Variants in YY1 observed in about 807,000 individuals in gnomAD.
YY1 encodes the protein transcriptional repressor protein YY1.
A neutral mutation model predicts 35.6 loss-of-function variants in YY1; 2 were observed. The ratio of observed to expected loss-of-function variants is 0.06; its 90% CI spans 0.02 to 0.18. The LOEUF (loss-of-function observed/expected upper bound fraction) is 0.18. Ranked by LOEUF, YY1 falls within the 10% of genes least tolerant of loss-of-function variation. The pLI is 1.00. For missense variants in YY1, 322 were observed against 573.4 expected, an observed-to-expected ratio of 0.56 and a Z score of 4.48; for synonymous variants, 268 against 238.9, an observed-to-expected ratio of 1.12 and a Z score of -1.12.
chr14:100,239,719 A>AGCG lies in YY1; in HGVS notation c.487_489dup (p.Gly163dup), dbSNP rs769057819. ...GGTCACCGTGGCGGCGGCCGGCAAGAGCGGCGGCGGCGGCTCGTCGTCGTC... is the reference window on the plus strand; with the variant it reads ...GGTCACCGTGGCGGCGGCCGGCAAGAGCGGCGGCGGCGGCGGCTCGTCGTCGTC... On this transcript the variant is annotated inframe_insertion, in exon 1 of 5. Transcript: ENST00000262238. 1.2e-5 allele frequency: 19 copies of AGCG among 1,590,868 alleles called. No individual in the cohort carries two copies. The highest frequency in any genetic ancestry group is 2.8e-5 in the African/African-American group (2 of 72,022).
chr14:100,248,997 C>T (rs1049203481), intron 1 of YY1, among the ~76,000 whole-genome samples: 5 of 149,580 alleles, frequency 3.3e-5, no homozygotes, highest in African/African-American at 2.5e-5. Flanking sequence ...AAGTAAAATT[C>T]TTAATAGCCA....
chr14:100,265,308 G>C (rs1182546873), intron 2 of YY1: 1 of 152,092 alleles, frequency 6.6e-6, no homozygotes, highest in Non-Finnish European at 1.5e-5. Context: ...AACCCAGGAG[G>C]GGGAGGTTGC....
intron 2 of YY1, among the ~76,000 whole-genome samples, chr14:100,273,804 C>A (rs559578496): frequency 3.3e-5 from 5 of 152,216 alleles, no homozygotes; most frequent in South Asian, 2.1e-4. Flanking sequence ...ACCCCCCTAC[C>A]ACACACAGAT....
intron 1 of YY1, among the ~76,000 whole-genome samples, chr14:100,243,860 C>T (rs1425627241): frequency 4.6e-5 from 7 of 151,130 alleles, no homozygotes; most frequent in Admixed American, 2.6e-4. Flanking sequence ...AATCCCAGCA[C>T]TTTGGGAGGC....
At position 100,276,319 on chromosome 14, in the gene YY1, TCTG is replaced by T; in HGVS notation, c.904-168_904-166del. On this transcript the variant is annotated intron_variant, in intron 3 of 4. Coordinates refer to ENST00000262238, the MANE Select transcript of YY1 (RefSeq NM_003403.5). The surrounding 1 kb of genome is among the most constrained non-coding windows in gnomAD (Gnocchi z 4.1). ...CATTGAATGATGACTTTTTCAGCTG[TCTG>T]CTTTTTGTCTTAAATGATATTAATG... is the stretch of plus-strand genomic sequence containing the variant. 1.2e-6 allele frequency: 1 copy of T among 866,634 alleles called. No individual in the cohort carries two copies. Among genetic ancestry groups the T allele is most frequent in the Non-Finnish European group, 1.8e-6 (1 of 569,856 alleles). The allele number at this position is 866,634 out of a possible 1,614,324, so 53.7% of individuals were successfully genotyped here. A position where few individuals can be genotyped will look rare whatever the true frequency, so the allele number is the denominator to read the frequency against.
chr14:100,278,635 T>A lies in YY1; in HGVS notation c.*1035T>A, dbSNP rs1242657682. ...ATTATTGATGAAAGCGATGCATGGA[T>A]ATTTTAATACTTCCTACATGTCCTG... On this transcript the variant is annotated 3_prime_UTR_variant, in exon 5 of 5. Coordinates refer to ENST00000262238, the MANE Select transcript of YY1 (RefSeq NM_003403.5). 1 of 152,264 alleles carries A rather than the reference T, an allele frequency of 6.6e-6. No homozygotes were observed. Among genetic ancestry groups the A allele is most frequent in the African/African-American group, 2.4e-5 (1 of 41,470 alleles). The allele number at this position is 152,264 out of a possible 1,614,324, so 9.4% of individuals were successfully genotyped here. A position where few individuals can be genotyped will look rare whatever the true frequency, so the allele number is the denominator to read the frequency against.
intron 1 of YY1, among the ~76,000 whole-genome samples, chr14:100,243,552 G>A (rs1890782126): frequency 6.6e-6 from 1 of 152,174 alleles, no homozygotes; most frequent in Non-Finnish European, 1.5e-5. Flanking sequence ...CAGAACTTTG[G>A]GAGGCCAAGG....
chr14:100,267,120 G>A (rs1387965201), intron 2 of YY1, among the ~76,000 whole-genome samples: 1 of 146,436 alleles, frequency 6.8e-6, no homozygotes, highest in Non-Finnish European at 1.5e-5. Flanking sequence ...AGGGTCTTCT[G>A]AAAAAGAAAA....
At chr14:100,257,179 A>G (rs1246414009) in intron 1 of YY1, among the ~76,000 whole-genome samples, 1 of 152,086 alleles carries the variant, frequency 6.6e-6, no homozygotes, top group African/African-American at 2.4e-5. Context: ...GTCTTTCAAT[A>G]TTAGAATTGC....
rs2139604364 is a variant in YY1 at position 100,276,703 on chromosome 14, G to GTT, written c.1062+56_1062+57insTT. On this transcript the variant is annotated intron_variant, in intron 4 of 4. Coordinates refer to ENST00000262238, the MANE Select transcript of YY1 (RefSeq NM_003403.5). This position sits in a 1 kb window ranked among gnomAD's most constrained non-coding sequence, Gnocchi z 4.1. ...TGCCTTGCCTGTCTGAACACTGCAA[G>GTT]TGTAGGTGGTGTGGTGATGAGGCAG... The GTT allele has an allele frequency of 1.2e-6, 2 of 1,612,488 alleles. No homozygotes were observed. Among genetic ancestry groups the GTT allele is most frequent in the East Asian group, 4.5e-5 (2 of 44,874 alleles).
intron 1 of YY1, among the ~76,000 whole-genome samples, chr14:100,247,564 G>A (rs189060046): frequency 6.6e-6 from 1 of 151,830 alleles, no homozygotes; most frequent in East Asian, 1.9e-4. Context: ...GTAGAGACAG[G>A]GTTATCAGAA....
rs1284027273 is a variant in YY1 at position 100,279,582 on chromosome 14, GGA to G, written c.*1988_*1989del. On this transcript the variant is annotated 3_prime_UTR_variant, in exon 5 of 5. Transcript: ENST00000262238. ...CAGGCTTTGCTGTATCTGGCAGTCAGGAGAGAGGTCAGCCCATGGTGGAGGTC... is the reference window on the plus strand; with the variant it reads ...CAGGCTTTGCTGTATCTGGCAGTCAGGAGAGGTCAGCCCATGGTGGAGGTC... 6.6e-6 allele frequency: 1 copy of G among 152,302 alleles called. No homozygotes were observed. The highest frequency in any genetic ancestry group is 1.5e-5 in the Non-Finnish European group (1 of 68,072). 9.4% of individuals were successfully genotyped at this position (152,302 alleles called of 1,614,324 possible).
rs1266188170 is a variant in YY1, at chr14:100,280,371, A to G, written c.*2771A>G. The G allele has an allele frequency of 6.6e-6, 1 of 151,960 alleles. No individual in the cohort carries two copies. Among genetic ancestry groups the G allele is most frequent in the Non-Finnish European group, 1.5e-5 (1 of 67,974 alleles). 9.4% of individuals were successfully genotyped at this position (151,960 alleles called of 1,614,324 possible). Reference sequence around the variant, plus strand: ...TGTTTCTAGCATATGTAATATAAAAACTCCAGAGGATAAGTTTACACTTAA... The same window carrying G: ...TGTTTCTAGCATATGTAATATAAAAGCTCCAGAGGATAAGTTTACACTTAA... On this transcript the variant is annotated 3_prime_UTR_variant, in exon 5 of 5. Coordinates refer to ENST00000262238, the MANE Select transcript of YY1 (RefSeq NM_003403.5).
At chr14:100,270,857 G>A (rs534558816) in intron 2 of YY1, among the ~76,000 whole-genome samples, 132 of 152,172 alleles carry the variant, frequency 8.7e-4, no homozygotes, top group Middle Eastern at 6.8e-3. Context: ...GCAACATGGT[G>A]AAACCACATC....
chr14:100,239,522 A>G lies in YY1; in HGVS notation c.278A>G (p.Asp93Gly). Residue 93 changes from aspartate to glycine, a missense_variant, in exon 1 of 5, where the codon GAC (aspartate) becomes GGC (glycine). By Grantham distance (94) the Asp-to-Gly change is moderately conservative. This residue lies in a region of YY1 where 137 missense variants were observed against 167.0 expected (regional missense o/e 0.82). Transcript: ENST00000262238. Reference sequence around the variant, plus strand: ...GCTCTGCAGCCGCTGGTCACCGACGACCCGACCCAGGTGCACCACCACCAG... The same window carrying G: ...GCTCTGCAGCCGCTGGTCACCGACGGCCCGACCCAGGTGCACCACCACCAG... ...MIALQPLVTD[D>G]PTQVHHHQEV... is the part of the protein sequence containing the mutation. 1 of 1,611,372 alleles carries G rather than the reference A, an allele frequency of 6.2e-7. No homozygotes were observed. The highest frequency in any genetic ancestry group is 8.5e-7 in the Non-Finnish European group (1 of 1,179,466).
rs527982549 is a variant in YY1 at position 100,239,146 on chromosome 14, C to G, written c.-99C>G. 3 of 1,152,844 alleles carry G rather than the reference C, an allele frequency of 2.6e-6. No individual in the cohort carries two copies. The highest frequency in any genetic ancestry group is 1.7e-5 in the African/African-American group (1 of 60,284). The allele number at this position is 1,152,844 out of a possible 1,614,324, so 71.4% of individuals were successfully genotyped here. A position where few individuals can be genotyped will look rare whatever the true frequency, so the allele number is the denominator to read the frequency against. On this transcript the variant is annotated 5_prime_UTR_variant, in exon 1 of 5. Transcript: ENST00000262238. ...CCCCCCGCCCGCTCGCCGCCTTCCT[C>G]CCTCTGCCTTCCTTCCCCACGGCCG... is the stretch of plus-strand genomic sequence containing the variant.
chr14:100,261,986 A>G (rs1466594908), intron 1 of YY1, among the ~76,000 whole-genome samples: 1 of 152,086 alleles, frequency 6.6e-6, no homozygotes, highest in East Asian at 1.9e-4. Flanking sequence ...CTGTCTCTAC[A>G]ATAAATAAAA....
In YY1 at chr14:100,275,491, C is replaced by G. The variant is rs3825554; in HGVS notation, c.903+733C>G. ...AATGTAAACGTATCTCCATTAGGGC[C>G]GAAATAACAAGCATTTGAAAACAGT... On this transcript the variant is annotated intron_variant, in intron 3 of 4. Coordinates refer to ENST00000262238, the MANE Select transcript of YY1 (RefSeq NM_003403.5). Among the ~76,000 whole-genome samples the G allele has an allele frequency of 1.3e-4, 20 of 152,192 alleles. No homozygotes were observed. In the East Asian group the frequency reaches 3.9e-3, roughly 29 times the overall value.
At position 100,260,771 on chromosome 14, in the gene YY1, C is replaced by CTTTTTTTTTTTTTT. The variant is rs71113254; in HGVS notation, c.680-1507_680-1494dup. ...CAGGTGTGAGCCACCGTGCCTGGTC[C>CTTTTTTTTTTTTTT]TTTTTTTTTTTTTTTTTTTTTTTTT... On this transcript the variant is annotated intron_variant, in intron 1 of 4. Coordinates refer to ENST00000262238, the MANE Select transcript of YY1 (RefSeq NM_003403.5). 2.1e-4 allele frequency among the ~76,000 whole-genome samples: 9 copies of CTTTTTTTTTTTTTT among 42,568 alleles called. 1 individual carries two copies. Among genetic ancestry groups the CTTTTTTTTTTTTTT allele is most frequent in the Non-Finnish European group, 2.6e-4 (6 of 22,954 alleles). 27.9% of individuals were successfully genotyped at this position (42,568 alleles called of 152,430 possible).
Sources: allele counts gnomAD v4.1 joint callset (sites outside exome capture counted in the v4.1 genomes callset), GRCh38; gene constraint gnomAD v4.1.1; regional missense constraint gnomAD v4.1.1; non-coding constraint Gnocchi (gnomAD v3.1); transcripts MANE v1.5; gene names NCBI Gene and HGNC (gene_info 2026-07-23, HGNC 2026-07-21).